The following OLA1 variants were observed in gnomAD, a reference collection of about 807,000 sequenced individuals.
OLA1 encodes Obg like ATPase 1, also known as obg-like ATPase 1.
In OLA1, 14 loss-of-function variants were observed where a neutral mutation model predicts 48.4. That is an observed-to-expected ratio of 0.29 (90% CI 0.19 to 0.45). OLA1 has a LOEUF of 0.45. Among genes scored for constraint, OLA1 ranks in the 20% least tolerant of loss-of-function variants. The pLI is 1.00. For missense variants in OLA1, 325 were observed against 467.1 expected, an observed-to-expected ratio of 0.70 and a Z score of 2.80; for synonymous variants, 127 against 150.4, an observed-to-expected ratio of 0.84 and a Z score of 1.14.
At chr2:174,131,760 TGTC>T (rs1188973744) in intron 5 of OLA1, among the ~76,000 whole-genome samples, 2 of 152,106 alleles carry the variant, frequency 1.3e-5, no homozygotes, top group African/African-American at 4.8e-5. Flanking sequence ...TCTATCAGGC[TGTC>T]TTTTTCTTAT....
At chr2:174,153,290 A>G (rs1238296388) in intron 4 of OLA1, among the ~76,000 whole-genome samples, 3 of 152,200 alleles carry the variant, frequency 2.0e-5, no homozygotes, top group Admixed American at 6.5e-5. Context: ...CAGTTCTGAG[A>G]AACCTTAAAA....
chr2:174,073,641 C>A lies in OLA1; in HGVS notation c.*1785G>T, dbSNP rs1000352086. The A allele has an allele frequency of 6.6e-6, 1 of 152,184 alleles. No individual in the cohort carries two copies. The highest frequency in any genetic ancestry group is 1.5e-5 in the Non-Finnish European group (1 of 68,024). The allele number at this position is 152,184 out of a possible 1,614,324, so 9.4% of individuals were successfully genotyped here. Reference sequence around the variant, plus strand: ...AATGTGCAATTTACCACATTAGAAGCTAGACAAAGTAAAATTGCATGATCC... The same window carrying A: ...AATGTGCAATTTACCACATTAGAAGATAGACAAAGTAAAATTGCATGATCC... On this transcript the variant is annotated 3_prime_UTR_variant, in exon 11 of 11. Coordinates refer to ENST00000284719, the MANE Select transcript of OLA1 (RefSeq NM_013341.5).
At chr2:174,181,602 A>T (rs1368123098) in intron 4 of OLA1, among the ~76,000 whole-genome samples, 1 of 152,076 alleles carries the variant, frequency 6.6e-6, no homozygotes, top group East Asian at 1.9e-4. Context: ...TGTTATGATC[A>T]GAGGGAAAGG....
chr2:174,093,704 G>A (rs930902034), intron 7 of OLA1, among the ~76,000 whole-genome samples: 1 of 152,036 alleles, frequency 6.6e-6, no homozygotes, highest in Non-Finnish European at 1.5e-5. Context: ...TAGTTGTCAC[G>A]AGATATGAAG....
At chr2:174,175,751 C>T (rs962578811) in intron 4 of OLA1, among the ~76,000 whole-genome samples, 1 of 151,960 alleles carries the variant, frequency 6.6e-6, no homozygotes, top group African/African-American at 2.4e-5. Context: ...TATATCCATA[C>T]AAACATTTCT....
At chr2:174,204,127 C>T (rs902546462) in intron 4 of OLA1, among the ~76,000 whole-genome samples, 4 of 150,902 alleles carry the variant, frequency 2.7e-5, no homozygotes, top group African/African-American at 7.3e-5. Flanking sequence ...TTAGTCCAGG[C>T]GCAGTGGCTC....
Position 174,181,668 on chromosome 2 carries a change from C to G in OLA1, c.374-39668G>C, listed in dbSNP as rs551052138. Reference sequence around the variant, plus strand: ...GACAGAACTCAGAAAGAGCAGGCCTCACTCAGCTTCACGGCACTCGCATTT... The same window carrying G: ...GACAGAACTCAGAAAGAGCAGGCCTGACTCAGCTTCACGGCACTCGCATTT... On this transcript the variant is annotated intron_variant, in intron 4 of 10. Transcript: ENST00000284719. 5.2e-4 allele frequency among the ~76,000 whole-genome samples: 79 copies of G among 152,272 alleles called. 1 individual carries two copies. Among genetic ancestry groups the G allele is most frequent in the Non-Finnish European group, 8.8e-5 (6 of 68,012 alleles).
chr2:174,224,081 T>C (rs1163174611), intron 3 of OLA1, among the ~76,000 whole-genome samples: 1 of 152,238 alleles, frequency 6.6e-6, no homozygotes, highest in African/African-American at 2.4e-5. Context: ...TTTCACTACC[T>C]GATAAAATAC....
intron 4 of OLA1, among the ~76,000 whole-genome samples, chr2:174,153,236 A>C (rs986869073): frequency 2.0e-5 from 3 of 152,190 alleles, no homozygotes; most frequent in African/African-American, 7.2e-5. Context: ...ACCTTGAGAT[A>C]AACAGATATT....
chr2:174,208,093 T>C (rs2105438341), intron 4 of OLA1, among the ~76,000 whole-genome samples: 1 of 152,266 alleles, frequency 6.6e-6, no homozygotes, highest in South Asian at 2.1e-4. Context: ...ACCTTTATCA[T>C]CCACGACTTT....
At chr2:174,163,756 AT>A (rs1687084246) in intron 4 of OLA1, among the ~76,000 whole-genome samples, 3 of 39,636 alleles carry the variant, frequency 7.6e-5, no homozygotes, top group African/African-American at 1.9e-4. Flanking sequence ...ATATATATAT[AT>A]ATATATATAT....
chr2:174,093,996 C>T (rs1476699955), intron 7 of OLA1, among the ~76,000 whole-genome samples: 1 of 152,184 alleles, frequency 6.6e-6, no homozygotes, highest in Non-Finnish European at 1.5e-5. Flanking sequence ...CATATCCAAA[C>T]TATTTATGAA....
chr2:174,164,372 T>TGGATACCATTCTGCATAGTGCAGAAC lies in OLA1; in HGVS notation c.374-22373_374-22372insGTTCTGCACTATGCAGAATGGTATCC, dbSNP rs1420890504. 2.0e-5 allele frequency among the ~76,000 whole-genome samples: 3 copies of TGGATACCATTCTGCATAGTGCAGAAC among 152,186 alleles called. No homozygotes were observed. The East Asian group carries it at 5.8e-4, about 29-fold the overall frequency. ...CAATACCATTCTGCATAGTGCAGAA[T>TGGATACCATTCTGCATAGTGCAGAAC]GGATACCATTCTGTTTTATGTTTGG... On this transcript the variant is annotated intron_variant, in intron 4 of 10. Transcript: ENST00000284719.
At chr2:174,207,087 GTGA>G (rs966203506) in intron 4 of OLA1, among the ~76,000 whole-genome samples, 3 of 152,130 alleles carry the variant, frequency 2.0e-5, no homozygotes, top group Non-Finnish European at 4.4e-5. Context: ...GTTACTAAAG[GTGA>G]TTTACAAGAC....
intron 7 of OLA1, among the ~76,000 whole-genome samples, chr2:174,091,386 A>G (rs935399): frequency 0.29 from 43,537 of 152,072 alleles, 6,879 homozygotes; most frequent in East Asian, 0.73. Flanking sequence ...GGGTTTCTGC[A>G]TAAGATTTTA....
rs539606097 is a variant in OLA1, at chr2:174,075,264, G to A, written c.*162C>T. ...GAACCTGCATTTCATGGGGGGGGGG[G>A]GGTACACAGTATTTTAATTTTAAAA... On this transcript the variant is annotated 3_prime_UTR_variant, in exon 11 of 11. Coordinates refer to ENST00000284719, the MANE Select transcript of OLA1 (RefSeq NM_013341.5). 5 of 521,606 alleles carry A rather than the reference G, an allele frequency of 9.6e-6. No individual in the cohort carries two copies. Among genetic ancestry groups the A allele is most frequent in the East Asian group, 3.2e-5 (1 of 30,884 alleles). 32.3% of individuals were successfully genotyped at this position (521,606 alleles called of 1,614,324 possible).
At chr2:174,083,397 A>G (rs1684900747) in intron 7 of OLA1, among the ~76,000 whole-genome samples, 2 of 152,030 alleles carry the variant, frequency 1.3e-5, no homozygotes, top group Admixed American at 1.3e-4. Context: ...CAATCACACA[A>G]GAGTTTGTAT....
At position 174,194,627 on chromosome 2, in the gene OLA1, C is replaced by A. The variant is rs147529344; in HGVS notation, c.373+28406G>T. Among the ~76,000 whole-genome samples the A allele has an allele frequency of 4.3e-3, 650 of 152,198 alleles. 12 individuals are homozygous for A. The highest frequency in any genetic ancestry group is 9.6e-4 in the East Asian group (5 of 5,186). On this transcript the variant is annotated intron_variant, in intron 4 of 10. Transcript: ENST00000284719. ...TTTCAAAGATTTAAAAATCCCAATA[C>A]GTAAATTAACATGTGCCCAATTCTT...
chr2:174,137,017 T>C (rs1281548592), intron 5 of OLA1, among the ~76,000 whole-genome samples: 1 of 152,170 alleles, frequency 6.6e-6, no homozygotes, highest in Admixed American at 6.5e-5. Flanking sequence ...CAAAAGGTTT[T>C]CAATTTATTA....
Sources: allele counts gnomAD v4.1 joint callset (sites outside exome capture counted in the v4.1 genomes callset), GRCh38; gene constraint gnomAD v4.1.1; transcripts MANE v1.5; gene names NCBI Gene and HGNC (gene_info 2026-07-23, HGNC 2026-07-21).